Variants in WDPCP observed in about 807,000 individuals in gnomAD.
WDPCP encodes WD repeat containing planar cell polarity effector, also known as WD repeat-containing and planar cell polarity effector protein fritz homolog.
WDPCP carries 71 observed loss-of-function variants against 93.1 expected under a neutral mutation model. The observed-to-expected ratio is 0.76, with a 90% confidence interval of 0.63 to 0.93. The LOEUF is 0.93. WDPCP is among the 40% of genes least tolerant of loss of function. The pLI, the probability that WDPCP is intolerant of heterozygous loss-of-function variation, is 0.00. For synonymous variants in WDPCP, 315 were observed against 315.0 expected (o/e 1.00, Z 0.00); for missense variants, 844 against 887.4 (o/e 0.95, Z 0.62).
chr2:63,766,832 C>G (rs1346603969), intron 2 of WDPCP, among the ~76,000 whole-genome samples: 1 of 152,096 alleles, frequency 6.6e-6, no homozygotes, highest in Non-Finnish European at 1.5e-5. Context: ...CCATCACCAC[C>G]ATATAACTCC....
chr2:63,427,714 AAAAG>A (rs1291565534), intron 9 of WDPCP, among the ~76,000 whole-genome samples: 5 of 152,202 alleles, frequency 3.3e-5, no homozygotes, highest in African/African-American at 1.2e-4. Context: ...GTAGCAGTAG[AAAAG>A]AAAGCCAAAA....
intron 3 of WDPCP, among the ~76,000 whole-genome samples, chr2:63,627,779 C>T (rs777853988): frequency 1.3e-5 from 2 of 152,186 alleles, no homozygotes; most frequent in Non-Finnish European, 2.9e-5. Flanking sequence ...AAATCCTCTG[C>T]ATTCACCACC....
intron 2 of WDPCP, among the ~76,000 whole-genome samples, chr2:63,728,432 T>C (rs1173654937): frequency 2.0e-5 from 3 of 152,164 alleles, no homozygotes; most frequent in Admixed American, 2.0e-4. Context: ...ACTTGTATGA[T>C]CCTGAGAGTG....
chr2:63,235,724 A>G (rs529596292), intron 14 of WDPCP, among the ~76,000 whole-genome samples: 4 of 152,330 alleles, frequency 2.6e-5, no homozygotes, highest in East Asian at 1.9e-4. Flanking sequence ...GATTCACCAC[A>G]TAAACAGAAT....
intron 12 of WDPCP, among the ~76,000 whole-genome samples, chr2:63,347,721 G>T (rs1183379330): frequency 1.0e-4 from 11 of 110,502 alleles, no homozygotes; most frequent in African/African-American, 3.7e-4. Flanking sequence ...CTTCTGAGAG[G>T]GGGAAATTGC....
At chr2:63,540,319 G>C (rs1349132061) in intron 1 of WDPCP, among the ~76,000 whole-genome samples, 1 of 152,120 alleles carries the variant, frequency 6.6e-6, no homozygotes, top group African/African-American at 2.4e-5. Context: ...AATGAATTAA[G>C]AGTTATGGAA....
rs149200966 is a variant in WDPCP at position 63,254,516 on chromosome 2, T to G, written c.1915+4791A>C. Among the ~76,000 whole-genome samples, 880 of 152,264 alleles carry G rather than the reference T, an allele frequency of 5.8e-3. 10 individuals are homozygous for G. The highest frequency in any genetic ancestry group is 0.02 in the African/African-American group (831 of 41,576). On this transcript the variant is annotated intron_variant, in intron 14 of 17. Transcript: ENST00000272321. ...CATAGGACACTATATTAATATAAACTTTAAAAATTAAACTTTTAAAGATAA... is the reference window on the plus strand; with the variant it reads ...CATAGGACACTATATTAATATAAACGTTAAAAATTAAACTTTTAAAGATAA...
At chr2:63,617,783 A>C (rs4671522) in intron 3 of WDPCP, among the ~76,000 whole-genome samples, 29,857 of 152,150 alleles carry the variant, frequency 0.2, 3,720 homozygotes, top group Non-Finnish European at 0.25. Context: ...TATTTTAGGC[A>C]GTTGAGATAA....
At chr2:63,721,704 C>CCCTGCCCCTCCCCCTCCT (rs1379616618) in intron 2 of WDPCP, among the ~76,000 whole-genome samples, 1 of 148,550 alleles carries the variant, frequency 6.7e-6, no homozygotes. Context: ...CTCCCGCTCC[C>CCCTGCCCCTCCCCCTCCT]CCTGCCCCTC....
At chr2:63,625,223 TAC>T in intron 3 of WDPCP, among the ~76,000 whole-genome samples, 1 of 152,170 alleles carries the variant, frequency 6.6e-6, no homozygotes, top group Non-Finnish European at 1.5e-5. Flanking sequence ...GCCAATATCA[TAC>T]GGAATGGGCA....
chr2:63,794,468 G>A (rs1007805295), intron 2 of WDPCP, among the ~76,000 whole-genome samples: 8 of 152,184 alleles, frequency 5.3e-5, no homozygotes, highest in African/African-American at 1.9e-4. Flanking sequence ...ATGTCAAAAA[G>A]ACTGCTAAAG....
At chr2:63,536,953 A>G (rs1704330572) in intron 1 of WDPCP, among the ~76,000 whole-genome samples, 1 of 151,880 alleles carries the variant, frequency 6.6e-6, no homozygotes, top group South Asian at 2.1e-4. Context: ...TTTTTAAGAG[A>G]GATGGGGTTT....
chr2:63,203,177 T>A (rs769524460), intron 14 of WDPCP, among the ~76,000 whole-genome samples: 68 of 152,078 alleles, frequency 4.5e-4, no homozygotes, highest in Non-Finnish European at 5.6e-4. Context: ...TTAAAAAAAA[T>A]TTTTGTGGGT....
At chr2:63,710,388 T>C (rs1307729719) in intron 2 of WDPCP, among the ~76,000 whole-genome samples, 2 of 152,206 alleles carry the variant, frequency 1.3e-5, no homozygotes, top group African/African-American at 4.8e-5. Context: ...CCTTTCCATT[T>C]CAGAATTATG....
At chr2:63,594,716 T>C (rs372320261) in intron 3 of WDPCP, 6 of 661,416 alleles carry the variant, frequency 9.1e-6, no homozygotes, top group Admixed American at 2.8e-5. Context: ...AATAGGCACA[T>C]TGCTATAAAT....
At chr2:63,189,274 A>G (rs1559186909) in intron 14 of WDPCP, among the ~76,000 whole-genome samples, 1 of 152,138 alleles carries the variant, frequency 6.6e-6, no homozygotes, top group East Asian at 1.9e-4. Flanking sequence ...GCAACCCACA[A>G]ACAAGTTAGC....
intron 15 of WDPCP, among the ~76,000 whole-genome samples, 194 bp downstream of exon 15, chr2:63,174,476 A>G (rs987215956): frequency 5.3e-5 from 8 of 152,340 alleles, no homozygotes; most frequent in African/African-American, 1.4e-4. Flanking sequence ...TTGTAGCAAT[A>G]TTATTTTTAC....
chr2:63,807,245 G>A (rs1670781040), intron 2 of WDPCP, among the ~76,000 whole-genome samples: 1 of 152,212 alleles, frequency 6.6e-6, no homozygotes, highest in South Asian at 2.1e-4. Context: ...ATTGGAGGAG[G>A]GGGTCTAGAG....
chr2:63,309,334 C>T (rs946324201), intron 13 of WDPCP, among the ~76,000 whole-genome samples: 1 of 152,060 alleles, frequency 6.6e-6, no homozygotes, highest in African/African-American at 2.4e-5. Context: ...ATTTATGTAC[C>T]TAATACCGTA....
Sources: allele counts gnomAD v4.1 joint callset (sites outside exome capture counted in the v4.1 genomes callset), GRCh38; gene constraint gnomAD v4.1.1; transcripts MANE v1.5; gene names NCBI Gene and HGNC (gene_info 2026-07-23, HGNC 2026-07-21).